PCDHGB4: variants seen among roughly 807,000 people sequenced by gnomAD.
PCDHGB4 encodes the protein protocadherin gamma-B4.
A neutral mutation model predicts 60.5 loss-of-function variants in PCDHGB4; 38 were observed. That is an observed-to-expected ratio of 0.63 (90% confidence interval 0.48 to 0.82). The LOEUF (loss-of-function observed/expected upper bound fraction) is 0.82. Among genes scored for constraint, PCDHGB4 ranks in the 40% least tolerant of loss-of-function variants. The pLI is 0.00. For missense variants in PCDHGB4, 1,109 were observed against 1,209.6 expected (o/e 0.92, Z 1.23); for synonymous variants, 456 against 509.7 (o/e 0.89, Z 1.42).
intron 1 of PCDHGB4, chr5:141,475,902 C>A (rs1296545944): frequency 1.7e-6 from 1 of 576,594 alleles, no homozygotes; most frequent in Non-Finnish European, 3.0e-6. Context: ...GTGCCGCTGT[C>A]GGCCAATGAA....
Position 141,489,091 on chromosome 5 carries a change from T to A in PCDHGB4, c.2398-5716T>A. 1.9e-4 allele frequency: 63 copies of A among 332,802 alleles called. No individual in the cohort carries two copies. Among genetic ancestry groups the A allele is most frequent in the East Asian group, 2.9e-4 (6 of 20,542 alleles). The allele number at this position is 332,802 out of a possible 1,614,324, so 20.6% of individuals were successfully genotyped here. A position where few individuals can be genotyped will look rare whatever the true frequency, so the allele number is the denominator to read the frequency against. ...CTGCCCACCCCCGCCACTCGGTGAC[T>A]AAGAACTGCTGCAAGCAGGCAAACC... On this transcript the variant is annotated intron_variant, in intron 1 of 3. Transcript: ENST00000519479. This position sits in a 1 kb window ranked among gnomAD's most constrained non-coding sequence, Gnocchi z 4.5.
intron 1 of PCDHGB4, chr5:141,422,560 G>T (rs2096656228): frequency 6.2e-7 from 1 of 1,614,032 alleles, no homozygotes; most frequent in East Asian, 2.2e-5. Context: ...GAATGTGGCA[G>T]ATGACAACGA....
chr5:141,492,007 C>A, intron 1 of PCDHGB4: 1 of 629,072 alleles, frequency 1.6e-6, no homozygotes, highest in Non-Finnish European at 2.6e-6. Flanking sequence ...GCGATTTCCG[C>A]GGGTGTCGGG....
intron 1 of PCDHGB4, chr5:141,417,773 T>C: frequency 6.9e-7 from 1 of 1,458,374 alleles, no homozygotes; most frequent in South Asian, 1.4e-5. Context: ...GGACTCCTCC[T>C]GTCCTGGGCC....
At chr5:141,413,369 A>G (rs767278842) in intron 1 of PCDHGB4, 1 of 1,613,964 alleles carries the variant, frequency 6.2e-7, no homozygotes, top group South Asian at 1.1e-5. Context: ...GAGCTGGCGG[A>G]GCGCGGAGTC....
rs188283892 is a variant in PCDHGB4, at chr5:141,394,450, T to C, written c.2397+4169T>C. ...GGGGACCCGCCCCTCAGCAGCAACA[T>C]GTCACTGAGCCTGTTCGTGCTGGAC... On this transcript the variant is annotated intron_variant, in intron 1 of 3. Coordinates refer to ENST00000519479, the MANE Select transcript of PCDHGB4 (RefSeq NM_003736.4). 12 of 1,614,228 alleles carry C rather than the reference T, an allele frequency of 7.4e-6. No individual in the cohort carries two copies. In the South Asian group the frequency reaches 1.3e-4, roughly 18 times the overall value.
At chr5:141,420,687 G>T (rs2096517632) in intron 1 of PCDHGB4, among the ~76,000 whole-genome samples, 1 of 152,182 alleles carries the variant, frequency 6.6e-6, no homozygotes, top group South Asian at 2.1e-4. Flanking sequence ...TATCGGGACC[G>T]TATTATTTCC....
intron 1 of PCDHGB4, chr5:141,400,601 C>T (rs1401354209): frequency 1.3e-6 from 2 of 1,592,588 alleles, no homozygotes; most frequent in East Asian, 4.5e-5. Flanking sequence ...CGTACATTTT[C>T]AAGTCCAATG....
At position 141,487,033 on chromosome 5, in the gene PCDHGB4, A is replaced by C. The variant is rs1465525110; in HGVS notation, c.2398-7774A>C. ...AGGCCCCAGATCCCAGCCTGTTTGC[A>C]GTCTCTCGATATGCTGGGGAGGTGC... On this transcript the variant is annotated intron_variant, in intron 1 of 3. Transcript: ENST00000519479. This position sits in a 1 kb window ranked among gnomAD's most constrained non-coding sequence, Gnocchi z 5.0. 3 of 1,614,160 alleles carry C rather than the reference A, an allele frequency of 1.9e-6. No individual in the cohort carries two copies. Among genetic ancestry groups the C allele is most frequent in the Non-Finnish European group, 2.5e-6 (3 of 1,180,032 alleles).
At chr5:141,417,003 A>T (rs1444236854) in intron 1 of PCDHGB4, 1 of 150,264 alleles carries the variant, frequency 6.7e-6, no homozygotes, top group African/African-American at 2.5e-5. Flanking sequence ...CATCTCAAAT[A>T]ATTCTATTAT....
At chr5:141,510,158 A>G (rs1406170246) in intron 3 of PCDHGB4, among the ~76,000 whole-genome samples, 1 of 152,018 alleles carries the variant, frequency 6.6e-6, no homozygotes, top group African/African-American at 2.4e-5. Flanking sequence ...CTGTAATCTC[A>G]GCTACTCAGG....
chr5:141,395,341 G>C, intron 1 of PCDHGB4: 1 of 1,409,696 alleles, frequency 7.1e-7, no homozygotes. Context: ...AATTTTTAAG[G>C]TGTATCACAG....
At chr5:141,460,569 T>C (rs1234392082) in intron 1 of PCDHGB4, among the ~76,000 whole-genome samples, 2 of 152,100 alleles carry the variant, frequency 1.3e-5, no homozygotes, top group Admixed American at 1.3e-4. Context: ...GCCATGGACA[T>C]ATGTAGGTGT....
At chr5:141,409,988 GCCGACT>G in intron 1 of PCDHGB4, 1 of 1,613,278 alleles carries the variant, frequency 6.2e-7, no homozygotes, top group East Asian at 2.2e-5. Context: ...AGCGGTGGAC[GCCGACT>G]CGGGACACAA....
intron 1 of PCDHGB4, among the ~76,000 whole-genome samples, chr5:141,483,094 G>C (rs1304382782): frequency 6.6e-6 from 1 of 152,058 alleles, no homozygotes; most frequent in African/African-American, 2.4e-5. Context: ...CAAAAAAAAA[G>C]TGTGCGTGTA....
At chr5:141,422,480 G>A in intron 1 of PCDHGB4, 2 of 1,613,906 alleles carry the variant, frequency 1.2e-6, no homozygotes, top group South Asian at 2.2e-5. Flanking sequence ...TTGGTCCAGA[G>A]CTACAATATA....
intron 1 of PCDHGB4, among the ~76,000 whole-genome samples, chr5:141,450,005 T>A (rs1439257597): frequency 1.0e-5 from 1 of 99,604 alleles, no homozygotes; most frequent in Non-Finnish European, 1.8e-5. Context: ...TTGCCATGTC[T>A]CTTTTTTTTT....
In PCDHGB4 at chr5:141,422,312, C is replaced by T; in HGVS notation, c.2397+32031C>T. On this transcript the variant is annotated intron_variant, in intron 1 of 3. Coordinates refer to ENST00000519479, the MANE Select transcript of PCDHGB4 (RefSeq NM_003736.4). ...ATTAATTCAATTCTGGAAAACTCTC[C>T]TCCAGGTACAGTGATTGCTCTTCTA... The T allele has an allele frequency of 1.9e-6, 3 of 1,547,444 alleles. No individual in the cohort carries two copies. Among genetic ancestry groups the T allele is most frequent in the Non-Finnish European group, 1.7e-6 (2 of 1,153,976 alleles).
chr5:141,471,404 TTA>T (rs1320685792), intron 1 of PCDHGB4: 3 of 152,170 alleles, frequency 2.0e-5, no homozygotes, highest in Non-Finnish European at 4.4e-5. Flanking sequence ...GTAGCTAGGC[TTA>T]GTTATGTTTT....
Sources: allele counts gnomAD v4.1 joint callset (sites outside exome capture counted in the v4.1 genomes callset), GRCh38; gene constraint gnomAD v4.1.1; non-coding constraint Gnocchi (gnomAD v3.1); transcripts MANE v1.5; gene names NCBI Gene and HGNC (gene_info 2026-07-23, HGNC 2026-07-21).